GRID2: variants seen among roughly 807,000 people sequenced by gnomAD.
GRID2 encodes glutamate receptor ionotropic, delta-2.
A neutral mutation model predicts 114.8 loss-of-function variants in GRID2; 33 were observed. The observed-to-expected ratio is 0.29, with a 90% CI of 0.22 to 0.38. The LOEUF is 0.38. GRID2 is among the 10% of genes least tolerant of loss of function. The pLI is 1.00. For missense variants in GRID2, 1,184 were observed against 1,257.7 expected (o/e 0.94, Z 0.89); for synonymous variants, 505 against 449.9 (o/e 1.12, Z -1.55).
intron 8 of GRID2, among the ~76,000 whole-genome samples, chr4:93,289,995 C>T (rs1753567726): frequency 6.6e-6 from 1 of 152,270 alleles, no homozygotes; most frequent in South Asian, 2.1e-4. Flanking sequence ...CAGACAGTTA[C>T]ATGATTTCCA....
At chr4:92,860,499 A>G (rs1338872491) in intron 2 of GRID2, among the ~76,000 whole-genome samples, 2 of 152,150 alleles carry the variant, frequency 1.3e-5, no homozygotes, top group Non-Finnish European at 2.9e-5. Context: ...ATGGCATTTC[A>G]AAGTAAATAT....
intron 4 of GRID2, among the ~76,000 whole-genome samples, chr4:93,150,859 G>A (rs986172881): frequency 1.3e-5 from 2 of 152,000 alleles, no homozygotes; most frequent in African/African-American, 4.8e-5. Context: ...GGGCGCGGTG[G>A]CTCTCGCCTG....
intron 1 of GRID2, among the ~76,000 whole-genome samples, chr4:92,546,654 A>G (rs2149168236): frequency 6.6e-6 from 1 of 152,374 alleles, no homozygotes; most frequent in Non-Finnish European, 1.5e-5. Context: ...AATGCACCTT[A>G]GTAAACTGAG....
At chr4:93,059,558 T>G (rs1727578793) in intron 2 of GRID2, among the ~76,000 whole-genome samples, 1 of 152,144 alleles carries the variant, frequency 6.6e-6, no homozygotes, top group African/African-American at 2.4e-5. Context: ...ACTGGACTAA[T>G]TGTTGAATCA....
intron 4 of GRID2, among the ~76,000 whole-genome samples, chr4:93,180,155 A>C (rs1409622314): frequency 2.0e-5 from 3 of 152,168 alleles, no homozygotes; most frequent in East Asian, 1.9e-4. Context: ...ACCCGTCAAA[A>C]AAGTTCAATA....
At chr4:93,584,791 T>C (rs76493481) in intron 13 of GRID2, among the ~76,000 whole-genome samples, 4,246 of 152,174 alleles carry the variant, frequency 0.028, 67 homozygotes, top group South Asian at 0.053. Flanking sequence ...AAAATGGGTA[T>C]CCTTTACAGA....
At chr4:93,459,652 A>G (rs75376617) in intron 11 of GRID2, among the ~76,000 whole-genome samples, 217 of 152,312 alleles carry the variant, frequency 1.4e-3, no homozygotes, top group African/African-American at 4.7e-3. Flanking sequence ...TATGATTTCA[A>G]CAACTGCCAA....
At chr4:93,034,024 A>AG (rs1454721144) in intron 2 of GRID2, among the ~76,000 whole-genome samples, 1 of 152,154 alleles carries the variant, frequency 6.6e-6, no homozygotes, top group Non-Finnish European at 1.5e-5. Context: ...CTCTCCCTGA[A>AG]GGGGGTGACT....
intron 1 of GRID2, among the ~76,000 whole-genome samples, chr4:93,795,994 A>G (rs1172032806): frequency 6.6e-6 from 1 of 152,142 alleles, no homozygotes; most frequent in African/African-American, 2.4e-5. Context: ...CCAAGTTCAC[A>G]TGGTTGCTGG....
At chr4:92,996,649 T>C (rs1411236972) in intron 2 of GRID2, among the ~76,000 whole-genome samples, 1 of 152,200 alleles carries the variant, frequency 6.6e-6, no homozygotes, top group Admixed American at 6.5e-5. Flanking sequence ...CGGAAAATTC[T>C]AAACTCTTTT....
chr4:92,305,994 T>G (rs1040179860), intron 1 of GRID2, among the ~76,000 whole-genome samples: 23 of 152,306 alleles, frequency 1.5e-4, no homozygotes, highest in African/African-American at 5.5e-4. Flanking sequence ...CTCCCCTTTC[T>G]GTACCCCTGC....
intron 2 of GRID2, among the ~76,000 whole-genome samples, chr4:93,010,357 A>G (rs1049067279): frequency 2.0e-5 from 3 of 151,948 alleles, no homozygotes; most frequent in African/African-American, 7.3e-5. Flanking sequence ...GTACACAATC[A>G]TTTGCTGGAA....
chr4:93,447,820 CA>C (rs1278507103), intron 10 of GRID2, among the ~76,000 whole-genome samples: 1 of 150,940 alleles, frequency 6.6e-6, no homozygotes, highest in Non-Finnish European at 1.5e-5. Context: ...AAATCACATA[CA>C]AAAAAAGAAA....
At chr4:93,326,219 G>C (rs1757821067) in intron 8 of GRID2, among the ~76,000 whole-genome samples, 1 of 152,088 alleles carries the variant, frequency 6.6e-6, no homozygotes, top group Admixed American at 6.6e-5. Flanking sequence ...TGGAAATCAG[G>C]GGGCATGCCT....
intron 2 of GRID2, among the ~76,000 whole-genome samples, chr4:93,039,481 T>G (rs2149266733): frequency 6.6e-6 from 1 of 152,066 alleles, no homozygotes; most frequent in East Asian, 1.9e-4. Context: ...ATATATAGTA[T>G]ATATACATAC....
In GRID2 at chr4:92,643,554, A is replaced by G. The variant is rs1167512626; in HGVS notation, c.244+53268A>G. On this transcript the variant is annotated intron_variant, in intron 2 of 15. Coordinates refer to ENST00000282020, the MANE Select transcript of GRID2 (RefSeq NM_001510.4). Reference sequence around the variant, plus strand: ...ATATACTAATAACATTTAGGCTGAGAGTCAAATCAAGAACGCAATCTCATT... The same window carrying G: ...ATATACTAATAACATTTAGGCTGAGGGTCAAATCAAGAACGCAATCTCATT... Among the ~76,000 whole-genome samples, 3 of 151,828 alleles carry G rather than the reference A, an allele frequency of 2.0e-5. No homozygotes were observed. The East Asian group carries it at 5.8e-4, about 29-fold the overall frequency.
chr4:93,683,719 G>C (rs1725813770), intron 14 of GRID2, among the ~76,000 whole-genome samples: 1 of 151,928 alleles, frequency 6.6e-6, no homozygotes, highest in Admixed American at 6.6e-5. Flanking sequence ...ACATGTTTTT[G>C]TACTTATGAA....
Position 92,585,271 on chromosome 4 carries a change from TAA to T in GRID2, c.89-4857_89-4856del, listed in dbSNP as rs1453762524. ...ATCATCTCTGTTGTTAAAAAGAAAA[TAA>T]AAGATTCATTGCATGTAGCATCTTT... On this transcript the variant is annotated intron_variant, in intron 1 of 15. Coordinates refer to ENST00000282020, the MANE Select transcript of GRID2 (RefSeq NM_001510.4). Among the ~76,000 whole-genome samples, 5 of 151,892 alleles carry T rather than the reference TAA, an allele frequency of 3.3e-5. No homozygotes were observed. The South Asian group carries it at 6.2e-4, about 19-fold the overall frequency.
At chr4:93,128,462 TATTTA>T (rs1205314991) in intron 4 of GRID2, among the ~76,000 whole-genome samples, 2 of 152,194 alleles carry the variant, frequency 1.3e-5, no homozygotes, top group Non-Finnish European at 2.9e-5. Flanking sequence ...CACAAGATAG[TATTTA>T]ATTATTGATA....
Sources: gnomAD v4.1 joint callset for allele counts (sites outside exome capture counted in the v4.1 genomes callset) on GRCh38, gnomAD v4.1.1 for gene constraint, MANE v1.5 for transcripts, NCBI Gene and HGNC (gene_info 2026-07-23, HGNC 2026-07-21) for gene names.